The following EPHB6 variants were observed in gnomAD, a reference collection of about 807,000 sequenced individuals.
The protein encoded by EPHB6 is ephrin type-B receptor 6.
In EPHB6, 51 loss-of-function variants were observed where a neutral mutation model predicts 107.0. The ratio of observed to expected loss-of-function variants is 0.48; its 90% confidence interval spans 0.38 to 0.60. The LOEUF (loss-of-function observed/expected upper bound fraction) is 0.60. Among genes scored for constraint, EPHB6 ranks in the 20% least tolerant of loss-of-function variants. EPHB6 has a pLI of 0.00. For missense variants in EPHB6, 1,141 were observed against 1,355.5 expected, an observed-to-expected ratio of 0.84 and a Z score of 2.48; for synonymous variants, 553 against 549.0, an observed-to-expected ratio of 1.01 and a Z score of -0.10.
intron 1 of EPHB6, among the ~76,000 whole-genome samples, chr7:142,857,751 C>T (rs1802670971): frequency 6.6e-6 from 1 of 152,248 alleles, no homozygotes; most frequent in African/African-American, 2.4e-5. Flanking sequence ...GGGTTCCCCT[C>T]TGTCCCTTCA....
chr7:142,865,857 C>T, intron 8 of EPHB6, 103 bp from the exon 9 acceptor site: 4 of 1,303,882 alleles, frequency 3.1e-6, no homozygotes, highest in Non-Finnish European at 4.4e-6. Context: ...TCTTCTGTCT[C>T]CTTCCCTCTC....
chr7:142,861,440 G>A (rs953506781), intron 2 of EPHB6, among the ~76,000 whole-genome samples: 3 of 152,206 alleles, frequency 2.0e-5, no homozygotes, highest in African/African-American at 4.8e-5. Flanking sequence ...TACAATTAAT[G>A]AGAATACAAT....
rs200894619 is a variant in EPHB6, at chr7:142,864,389, G to A, written c.589G>A (p.Val197Ile). ...AGQRAGLQLNVKERSFGPLTQ... is the reference protein window; with the variant it reads ...AGQRAGLQLNIKERSFGPLTQ... ...GCAGCGGGCTGGACTGCAACTGAAC[G>A]TCAAAGAGCGGAGCTTTGGGCCTCT... The change falls in exon 7 of 20, where the codon GTC (valine) becomes ATC (isoleucine). Residue 197 changes from valine (V) to isoleucine (I), a missense_variant. Val to Ile is a conservative substitution (Grantham distance 29). Coordinates refer to ENST00000652003, the MANE Select transcript of EPHB6 (RefSeq NM_004445.6). 48 of 1,612,966 alleles carry A rather than the reference G, an allele frequency of 3.0e-5. No homozygotes were observed. In the East Asian group the frequency reaches 7.6e-4, roughly 25 times the overall value.
In EPHB6 at chr7:142,867,230, C is replaced by T. The variant is rs1254574563; in HGVS notation, c.1750+162C>T. On this transcript the variant is annotated intron_variant, in intron 11 of 19. Coordinates refer to ENST00000652003, the MANE Select transcript of EPHB6 (RefSeq NM_004445.6). The surrounding 1 kb of genome is among the most constrained non-coding windows in gnomAD (Gnocchi z 5.3). ...TGCTCAGCAGCTGACCTAGGGGCTA[C>T]TCGGGGAGGTGGGGAATTGTAGGGG... 1 of 856,528 alleles carries T rather than the reference C, an allele frequency of 1.2e-6. No homozygotes were observed. The highest frequency in any genetic ancestry group is 1.8e-6 in the Non-Finnish European group (1 of 565,792). 53.1% of individuals were successfully genotyped at this position (856,528 alleles called of 1,614,324 possible).
intron 8 of EPHB6, 135 bp from the exon 9 acceptor site, chr7:142,865,825 C>T (rs1803129582): frequency 1.8e-6 from 2 of 1,140,072 alleles, no homozygotes; most frequent in Non-Finnish European, 2.6e-6. Context: ...TCCTGCCTCT[C>T]TGGGCTACCC....
chr7:142,866,722 C>T lies in EPHB6; in HGVS notation c.1587+117C>T. 1 of 1,589,604 alleles carries T rather than the reference C, an allele frequency of 6.3e-7. No individual in the cohort carries two copies. Among genetic ancestry groups the T allele is most frequent in the South Asian group, 1.1e-5 (1 of 90,002 alleles). The stretch of plus-strand genomic sequence containing the variant: ...AATGAGGGGTCCGCAACAGGGCTGG[C>T]AGGAGCTCACAGTCCCCACAGTAGG... On this transcript the variant is annotated intron_variant, in intron 10 of 19. Coordinates refer to ENST00000652003, the MANE Select transcript of EPHB6 (RefSeq NM_004445.6). This position sits in a 1 kb window ranked among gnomAD's most constrained non-coding sequence, Gnocchi z 5.2.
chr7:142,869,636 C>A lies in EPHB6; in HGVS notation c.2461-181C>A. ...GAGCACATAGTAGTTGCTCCATAAA[C>A]GTGACTATTGCTTCTGCTTCTGTGA... On this transcript the variant is annotated intron_variant, in intron 16 of 19. Coordinates refer to ENST00000652003, the MANE Select transcript of EPHB6 (RefSeq NM_004445.6). This position sits in a 1 kb window ranked among gnomAD's most constrained non-coding sequence, Gnocchi z 4.5. The A allele has an allele frequency of 1.4e-6, 1 of 730,140 alleles. No homozygotes were observed. Among genetic ancestry groups the A allele is most frequent in the Non-Finnish European group, 2.3e-6 (1 of 427,480 alleles). 45.2% of individuals were successfully genotyped at this position (730,140 alleles called of 1,614,324 possible).
chr7:142,857,621 C>G (rs1279848682), intron 1 of EPHB6, among the ~76,000 whole-genome samples: 2 of 152,166 alleles, frequency 1.3e-5, no homozygotes, highest in African/African-American at 4.8e-5. Flanking sequence ...ACCGCTTTGC[C>G]CTTGGGACTG....
At chr7:142,858,902 A>G (rs1802726417) in intron 1 of EPHB6, among the ~76,000 whole-genome samples, 1 of 152,186 alleles carries the variant, frequency 6.6e-6, no homozygotes, top group African/African-American at 2.4e-5. Context: ...TCAAAAAGAT[A>G]TTAAGTGATA....
chr7:142,864,627 G>T lies in EPHB6; in HGVS notation c.827G>T (p.Gly276Val), dbSNP rs538788029. 1.1e-5 allele frequency: 18 copies of T among 1,612,348 alleles called. No individual in the cohort carries two copies. The highest frequency in any genetic ancestry group is 1.5e-5 in the Non-Finnish European group (18 of 1,179,498). ...HAEPEEDGVG[G>V]QAGGSPPRLH... ...GAGCCAGAGGAGGATGGAGTAGGGG[G>T]CCAGGCAGGAGGCAGCCCCCCCAGG... The change falls in exon 7 of 20, where the codon GGC becomes GTC. Residue 276 changes from glycine (G) to valine (V), a missense_variant. This residue lies in a region of EPHB6 where 304 missense variants were observed against 295.7 expected (regional missense o/e 1.03). Transcript: ENST00000652003.
chr7:142,865,385 G>T, intron 7 of EPHB6, 90 bp from the exon 8 acceptor site: 2 of 1,543,696 alleles, frequency 1.3e-6, no homozygotes, highest in Non-Finnish European at 8.9e-7. Flanking sequence ...GGAAGAGAAG[G>T]CTGCGAGGAT....
Position 142,866,638 on chromosome 7 carries a change from G to A in EPHB6, c.1587+33G>A, listed in dbSNP as rs2116451050. The A allele has an allele frequency of 6.2e-7, 1 of 1,613,564 alleles. No individual in the cohort carries two copies. Among genetic ancestry groups the A allele is most frequent in the Non-Finnish European group, 8.5e-7 (1 of 1,179,992 alleles). On this transcript the variant is annotated intron_variant, in intron 10 of 19. Coordinates refer to ENST00000652003, the MANE Select transcript of EPHB6 (RefSeq NM_004445.6). The surrounding 1 kb of genome is among the most constrained non-coding windows in gnomAD (Gnocchi z 5.2). ...GGAGGAGTGGGGGTTCCGCAGTAGG[G>A]CTGGTAGGAGCTCATAGGCCTCACA...
chr7:142,864,728 C>A lies in EPHB6; in HGVS notation c.928C>A (p.Arg310=). 1.2e-6 allele frequency: 2 copies of A among 1,612,876 alleles called. No individual in the cohort carries two copies. The highest frequency in any genetic ancestry group is 1.7e-6 in the Non-Finnish European group (2 of 1,180,034). ...CRCQPGYQPA[R]GDKACQACPR... ...CTGCCAGCCTGGATACCAACCAGCA[C>A]GAGGAGACAAGGCCTGCCAAGGTGA... The change falls in exon 7 of 20, where the codon CGA becomes AGA. Residue 310 remains arginine, a synonymous_variant. Transcript: ENST00000652003.
At position 142,866,689 on chromosome 7, in the gene EPHB6, A is replaced by G. The variant is rs1794619757; in HGVS notation, c.1587+84A>G. 7 of 1,609,328 alleles carry G rather than the reference A, an allele frequency of 4.3e-6. No homozygotes were observed. The Admixed American group carries it at 1.2e-4, about 27-fold the overall frequency. ...GTGGGGCCCAGAGGTGACCAGGTGC[A>G]CAGGAGGAATGAGGGGTCCGCAACA... On this transcript the variant is annotated intron_variant, in intron 10 of 19. Coordinates refer to ENST00000652003, the MANE Select transcript of EPHB6 (RefSeq NM_004445.6). This position sits in a 1 kb window ranked among gnomAD's most constrained non-coding sequence, Gnocchi z 5.2.
chr7:142,857,855 C>T (rs537997559), intron 1 of EPHB6, among the ~76,000 whole-genome samples: 2 of 152,186 alleles, frequency 1.3e-5, no homozygotes, highest in Non-Finnish European at 2.9e-5. Context: ...AGCTTAAAGA[C>T]TAGCCAGAGA....
Position 142,866,880 on chromosome 7 carries a change from A to T in EPHB6, c.1588-26A>T. 1 of 1,613,932 alleles carries T rather than the reference A, an allele frequency of 6.2e-7. No individual in the cohort carries two copies. Among genetic ancestry groups the T allele is most frequent in the South Asian group, 1.1e-5 (1 of 91,072 alleles). The stretch of plus-strand genomic sequence containing the variant: ...AAGCAGGGGCAAGAGGGGGCCAGGC[A>T]GGGAGTGAGTGGCTGTTACCCCCAG... On this transcript the variant is annotated intron_variant, in intron 10 of 19. Transcript: ENST00000652003. This position sits in a 1 kb window ranked among gnomAD's most constrained non-coding sequence, Gnocchi z 5.2.
intron 1 of EPHB6, among the ~76,000 whole-genome samples, chr7:142,860,679 T>C (rs553861496): frequency 6.6e-6 from 1 of 152,300 alleles, no homozygotes; most frequent in Admixed American, 6.5e-5. Flanking sequence ...GGCTGTAAAT[T>C]GAACTCTCTA....
At position 142,866,346 on chromosome 7, in the gene EPHB6, C is replaced by G; in HGVS notation, c.1462+30C>G. On this transcript the variant is annotated intron_variant, in intron 9 of 19. Coordinates refer to ENST00000652003, the MANE Select transcript of EPHB6 (RefSeq NM_004445.6). The surrounding 1 kb of genome is among the most constrained non-coding windows in gnomAD (Gnocchi z 5.2). Reference sequence around the variant, plus strand: ...GCTCTTTTCCTTGGCCTTCAGGATCCCCTGCCTCCGCTCCTTTGAGCCCCC... The same window carrying G: ...GCTCTTTTCCTTGGCCTTCAGGATCGCCTGCCTCCGCTCCTTTGAGCCCCC... 2 of 1,612,840 alleles carry G rather than the reference C, an allele frequency of 1.2e-6. No homozygotes were observed. The highest frequency in any genetic ancestry group is 1.7e-5 in the Admixed American group (1 of 60,020).
In EPHB6 at chr7:142,864,137, G is replaced by T. The variant is rs1309319231; in HGVS notation, c.337G>T (p.Ala113Ser). The T allele has an allele frequency of 1.9e-6, 3 of 1,614,034 alleles. No homozygotes were observed. Among genetic ancestry groups the T allele is most frequent in the East Asian group, 2.2e-5 (1 of 44,880 alleles). Reference protein sequence around the residue: ...AHIRLHFSVRACSSLGVSGGT... With the variant: ...AHIRLHFSVRSCSSLGVSGGT... The stretch of plus-strand genomic sequence containing the variant: ...CATTCGACTCCACTTCTCTGTGCGG[G>T]CATGCTCCAGCCTGGGTGTGAGCGG... Residue 113 changes from alanine to serine, a missense_variant, in exon 7 of 20, where the codon GCA becomes TCA. Ala to Ser is a moderately conservative substitution (Grantham distance 99). Around this residue, in one of 3 missense-constraint regions of EPHB6, gnomAD observed 221 missense variants for 300.5 expected, o/e 0.74. Transcript: ENST00000652003.
Sources: allele counts gnomAD v4.1 joint callset (sites outside exome capture counted in the v4.1 genomes callset), GRCh38; gene constraint gnomAD v4.1.1; regional missense constraint gnomAD v4.1.1; non-coding constraint Gnocchi (gnomAD v3.1); transcripts MANE v1.5; gene names NCBI Gene and HGNC (gene_info 2026-07-23, HGNC 2026-07-21).